The following VPS41 variants were observed in gnomAD, a reference collection of about 807,000 sequenced individuals.
VPS41 encodes vacuolar protein sorting-associated protein 41 homolog.
In VPS41, 85 loss-of-function variants were observed where a neutral mutation model predicts 130.9. The observed-to-expected ratio is 0.65, with a 90% confidence interval of 0.55 to 0.78. VPS41 has a LOEUF of 0.78. Among genes scored for constraint, VPS41 ranks in the 30% least tolerant of loss-of-function variants. The pLI is 0.00. For synonymous variants in VPS41, 335 were observed against 332.9 expected (o/e 1.01, Z -0.07); for missense variants, 874 against 1,018.7 (o/e 0.86, Z 1.93).
At chr7:38,871,465 TAAAAG>T (rs908077890) in intron 2 of VPS41, among the ~76,000 whole-genome samples, 3 of 152,134 alleles carry the variant, frequency 2.0e-5, no homozygotes, top group South Asian at 4.2e-4. Context: ...CATCCTGACT[TAAAAG>T]AAAAAACAAA....
chr7:38,763,673 A>G, intron 16 of VPS41, 126 bp from the exon 17 acceptor site: 1 of 545,502 alleles, frequency 1.8e-6, no homozygotes, highest in Non-Finnish European at 3.2e-6. Context: ...TACTCTGAAA[A>G]AAATGTTTTG....
intron 4 of VPS41, among the ~76,000 whole-genome samples, chr7:38,835,399 G>A (rs1360486675): frequency 1.3e-5 from 2 of 151,492 alleles, no homozygotes; most frequent in Non-Finnish European, 3.0e-5. Context: ...ATTTATCATT[G>A]GTCAAAAACC....
chr7:38,905,153 TA>T (rs1169363251), intron 1 of VPS41, among the ~76,000 whole-genome samples: 2 of 152,206 alleles, frequency 1.3e-5, no homozygotes, highest in Non-Finnish European at 2.9e-5. Context: ...TTAGTACCTA[TA>T]AAGCACTAGC....
At chr7:38,787,865 A>G (rs1440617754) in intron 10 of VPS41, among the ~76,000 whole-genome samples, 1 of 152,152 alleles carries the variant, frequency 6.6e-6, no homozygotes, top group African/African-American at 2.4e-5. Flanking sequence ...AGAGGGGAAA[A>G]AATGGTACTT....
rs1795590664 is a variant in VPS41, at chr7:38,728,433, T to C, written c.2404+109A>G. Reference sequence around the variant, plus strand: ...CACAACACTTCTCTCCACTGGGTTATTCTGAAAGTTATATAGTTTTATAAA... The same window carrying C: ...CACAACACTTCTCTCCACTGGGTTACTCTGAAAGTTATATAGTTTTATAAA... On this transcript the variant is annotated intron_variant, in intron 27 of 28. Coordinates refer to ENST00000310301, the MANE Select transcript of VPS41 (RefSeq NM_014396.4). The C allele has an allele frequency of 4.9e-6, 6 of 1,217,082 alleles. No individual in the cohort carries two copies. In the Middle Eastern group the frequency reaches 5.7e-4, roughly 115 times the overall value. The allele number at this position is 1,217,082 out of a possible 1,614,324, so 75.4% of individuals were successfully genotyped here.
At chr7:38,727,031 A>G (rs781389073) in intron 27 of VPS41, 43 bp from the exon 28 acceptor site, 15 of 1,457,540 alleles carry the variant, frequency 1.0e-5, no homozygotes, top group Middle Eastern at 2.0e-4. Context: ...TAATGCAACA[A>G]GCAAGATCAT....
In VPS41 at chr7:38,774,189, G is replaced by A. The variant is rs1417150813; in HGVS notation, c.938C>T (p.Thr313Ile). ...RLDIIQPLSETCEEISSDALT... is the reference protein window; with the variant it reads ...RLDIIQPLSEICEEISSDALT... ...AGCATCAGAAGAGATCTCTTCACAA[G>A]TCTCAGAAAGTGGCTGGATGATGTC... The change falls in exon 12 of 29, where the codon ACT becomes ATT. Residue 313 changes from threonine (T) to isoleucine (I), a missense_variant. Coordinates refer to ENST00000310301, the MANE Select transcript of VPS41 (RefSeq NM_014396.4). The A allele has an allele frequency of 1.9e-6, 3 of 1,609,500 alleles. No homozygotes were observed. Among genetic ancestry groups the A allele is most frequent in the Non-Finnish European group, 2.5e-6 (3 of 1,176,646 alleles).
At chr7:38,744,172 T>C (rs1038891480) in intron 23 of VPS41, among the ~76,000 whole-genome samples, 11 of 152,228 alleles carry the variant, frequency 7.2e-5, no homozygotes, top group Admixed American at 2.0e-4. Context: ...ATGCCTTCTA[T>C]TGGCTAATTG....
At chr7:38,738,165 C>T (rs1795809059) in intron 25 of VPS41, among the ~76,000 whole-genome samples, 2 of 152,190 alleles carry the variant, frequency 1.3e-5, no homozygotes, top group African/African-American at 4.8e-5. Flanking sequence ...AACATGCTTG[C>T]TATTTTCTTT....
At chr7:38,909,043 T>C in intron 1 of VPS41, 111 bp downstream of exon 1, 2 of 1,052,410 alleles carry the variant, frequency 1.9e-6, no homozygotes, top group Non-Finnish European at 2.9e-6. Context: ...CGGACCTGCC[T>C]TGCGCTATTC....
chr7:38,802,451 T>C (rs1784748502), intron 7 of VPS41, among the ~76,000 whole-genome samples: 1 of 152,214 alleles, frequency 6.6e-6, no homozygotes, highest in South Asian at 2.1e-4. Flanking sequence ...CTAGTAATTA[T>C]GGAGTCATTT....
intron 3 of VPS41, among the ~76,000 whole-genome samples, chr7:38,868,860 T>G (rs912393787): frequency 6.6e-6 from 1 of 152,214 alleles, no homozygotes; most frequent in Non-Finnish European, 1.5e-5. Flanking sequence ...TTTGAGGAAT[T>G]AAGTGAGCGA....
intron 25 of VPS41, among the ~76,000 whole-genome samples, chr7:38,738,280 TAAA>T (rs1314610035): frequency 3.9e-5 from 6 of 152,206 alleles, no homozygotes; most frequent in African/African-American, 1.2e-4. Flanking sequence ...GTCACTGATT[TAAA>T]AAAGGCATGA....
chr7:38,888,544 C>T (rs1786785321), intron 2 of VPS41, among the ~76,000 whole-genome samples: 2 of 152,182 alleles, frequency 1.3e-5, no homozygotes, highest in Non-Finnish European at 2.9e-5. Context: ...TAGAGACCTA[C>T]AAAGAGACTT....
intron 2 of VPS41, among the ~76,000 whole-genome samples, chr7:38,888,256 T>C (rs1156310022): frequency 1.3e-5 from 2 of 152,072 alleles, no homozygotes; most frequent in Non-Finnish European, 2.9e-5. Flanking sequence ...TCAAGACCCA[T>C]TGGTGTGCAG....
chr7:38,908,507 C>T lies in VPS41; in HGVS notation c.21+647G>A, dbSNP rs1787317861. Among the ~76,000 whole-genome samples, 3 of 137,430 alleles carry T rather than the reference C, an allele frequency of 2.2e-5. No individual in the cohort carries two copies. The South Asian group carries it at 6.3e-4, about 29-fold the overall frequency. The allele number at this position is 137,430 out of a possible 152,430, so 90.2% of individuals were successfully genotyped here. ...ACTAAGCCCAACAGTTCTAAGTACT[C>T]TAACTTTGTGTATAAACTCCTCTCT... On this transcript the variant is annotated intron_variant, in intron 1 of 28. Transcript: ENST00000310301.
At chr7:38,754,239 T>C (rs1208264101) in intron 21 of VPS41, among the ~76,000 whole-genome samples, 1 of 152,150 alleles carries the variant, frequency 6.6e-6, no homozygotes, top group African/African-American at 2.4e-5. Context: ...TATGGAATGG[T>C]TGTCTGACAT....
intron 5 of VPS41, among the ~76,000 whole-genome samples, chr7:38,825,761 A>G: frequency 6.6e-6 from 1 of 152,186 alleles, no homozygotes; most frequent in Non-Finnish European, 1.5e-5. Flanking sequence ...AGTACCTTAG[A>G]AGTATGTGGT....
chr7:38,833,817 T>G (rs1381910250), intron 4 of VPS41, among the ~76,000 whole-genome samples: 1 of 152,136 alleles, frequency 6.6e-6, no homozygotes, highest in East Asian at 1.9e-4. Context: ...GAAATGCTCC[T>G]CAACCCATTT....
Sources: gnomAD v4.1 joint callset for allele counts (sites outside exome capture counted in the v4.1 genomes callset) on GRCh38, gnomAD v4.1.1 for gene constraint, MANE v1.5 for transcripts, NCBI Gene and HGNC (gene_info 2026-07-23, HGNC 2026-07-21) for gene names.